The following SPATA7 variants were observed in gnomAD, a reference collection of about 807,000 sequenced individuals.
SPATA7 encodes the protein spermatogenesis associated 7.
SPATA7 carries 43 observed loss-of-function variants against 51.8 expected under a neutral mutation model. That is an observed-to-expected ratio of 0.83 (90% CI 0.65 to 1.07). The LOEUF (loss-of-function observed/expected upper bound fraction) is 1.07. Ranked by LOEUF, SPATA7 falls within the 50% of genes least tolerant of loss-of-function variation. SPATA7 has a pLI of 0.00. For synonymous variants in SPATA7, 230 were observed against 252.8 expected, an observed-to-expected ratio of 0.91 and a Z score of 0.86; for missense variants, 683 against 701.3, an observed-to-expected ratio of 0.97 and a Z score of 0.30.
chr14:88,465,283 A>G lies in SPATA7; in HGVS notation c.255-4564A>G, dbSNP rs141495923. Among the ~76,000 whole-genome samples the G allele has an allele frequency of 7.8e-3, 1,195 of 152,260 alleles. 14 individuals carry two copies. The highest frequency in any genetic ancestry group is 0.028 in the African/African-American group (1,145 of 41,534). On this transcript the variant is annotated intron_variant, in intron 4 of 4. Transcript: ENST00000556406. Reference sequence around the variant, plus strand: ...GGAGTTGGAGACCAGCCTGGCCAACATGGTGAAACCCCGTCTCCACTAAAA... The same window carrying G: ...GGAGTTGGAGACCAGCCTGGCCAACGTGGTGAAACCCCGTCTCCACTAAAA...
chr14:88,406,083 T>G (rs1406047101), intron 4 of SPATA7, among the ~76,000 whole-genome samples: 1 of 152,188 alleles, frequency 6.6e-6, no homozygotes, highest in Non-Finnish European at 1.5e-5. Context: ...TATAATGAAT[T>G]TGGCTTAGAA....
In SPATA7 at chr14:88,433,873, T is replaced by A. The variant is rs545218893; in HGVS notation, c.1160+661T>A. 2.0e-5 allele frequency among the ~76,000 whole-genome samples: 3 copies of A among 152,292 alleles called. No homozygotes were observed. The South Asian group carries it at 6.2e-4, about 32-fold the overall frequency. ...TTTCTATCCTCTACATCAAGTTTTT[T>A]AAAAAATTAAAGCAAACATTTTCAT... On this transcript the variant is annotated intron_variant, in intron 10 of 11. Transcript: ENST00000393545.
At chr14:88,428,331 TATTAA>T (rs1289757862) in intron 7 of SPATA7, 1 of 152,170 alleles carries the variant, frequency 6.6e-6, no homozygotes, top group Non-Finnish European at 1.5e-5. Context: ...ATGGTTTGTC[TATTAA>T]AATGTCAAAC....
At chr14:88,419,042 G>T (rs1489196189) in intron 5 of SPATA7, among the ~76,000 whole-genome samples, 1 of 152,000 alleles carries the variant, frequency 6.6e-6, no homozygotes, top group Admixed American at 6.6e-5. Flanking sequence ...TGTAGTATTT[G>T]ATATATAGTA....
At chr14:88,427,888 TC>T in intron 7 of SPATA7, 192 bp downstream of exon 7, 1 of 499,354 alleles carries the variant, frequency 2.0e-6, no homozygotes, top group Non-Finnish European at 3.7e-6. Context: ...GCCAGGTGGA[TC>T]CTGCCAAATC....
chr14:88,438,458 C>A lies in SPATA7; in HGVS notation c.*36C>A. 1 of 1,437,746 alleles carries A rather than the reference C, an allele frequency of 7.0e-7. No individual in the cohort carries two copies. The highest frequency in any genetic ancestry group is 9.8e-7 in the Non-Finnish European group (1 of 1,024,882). The allele number at this position is 1,437,746 out of a possible 1,614,324, so 89.1% of individuals were successfully genotyped here. A position where few individuals can be genotyped will look rare whatever the true frequency, so the allele number is the denominator to read the frequency against. ...TAAATACCTCAAATGGCCAGTAACTCAATATTACTTTTCTTCCTTTTTTAA... is the reference window on the plus strand; with the variant it reads ...TAAATACCTCAAATGGCCAGTAACTAAATATTACTTTTCTTCCTTTTTTAA... On this transcript the variant is annotated 3_prime_UTR_variant, in exon 12 of 12. Transcript: ENST00000393545.
At chr14:88,396,875 C>CTTTTTT (rs59603961) in intron 4 of SPATA7, among the ~76,000 whole-genome samples, 4 of 138,536 alleles carry the variant, frequency 2.9e-5, no homozygotes, top group Non-Finnish European at 3.1e-5. Context: ...TTTCTTTTTT[C>CTTTTTT]TTTTTTTTTT....
At chr14:88,423,207 T>G (rs2076692430) in intron 5 of SPATA7, among the ~76,000 whole-genome samples, 1 of 151,978 alleles carries the variant, frequency 6.6e-6, no homozygotes. Flanking sequence ...CTTTTAAGAT[T>G]AAGTGAATAT....
chr14:88,418,821 A>G (rs2076555866), intron 5 of SPATA7, among the ~76,000 whole-genome samples: 1 of 152,136 alleles, frequency 6.6e-6, no homozygotes, highest in Non-Finnish European at 1.5e-5. Flanking sequence ...ATCATTTAGA[A>G]CTATTTCTTA....
rs1293890027 is a variant in SPATA7 at position 88,391,450 on chromosome 14, G to A, written c.89G>A (p.Ser30Asn). The part of the protein sequence containing the change: ...CLFKGHLSTK[S>N]NAFCTDSSSL... ...TTTAAAGGACACTTGAGCACCAAAA[G>A]TAATGGTAAGTGAGGTGCTTAAAAC... is the stretch of plus-strand genomic sequence containing the variant. Residue 30 changes from serine (S) to asparagine (N), a missense_variant, in exon 2 of 12, where the codon AGT (serine) becomes AAT (asparagine). Ser to Asn is a conservative substitution (Grantham distance 46). Transcript: ENST00000393545. 2.5e-6 allele frequency: 4 copies of A among 1,613,334 alleles called. No individual in the cohort carries two copies. In the South Asian group the frequency reaches 4.4e-5, roughly 18 times the overall value.
intron 4 of SPATA7, chr14:88,468,166 G>C (rs1229848772): frequency 6.2e-7 from 1 of 1,613,864 alleles, no homozygotes; most frequent in African/African-American, 1.3e-5. Flanking sequence ...TTCAGGAACT[G>C]GATGAGGACT....
At chr14:88,468,204 G>A (rs2077395096) in intron 4 of SPATA7, 1 of 1,611,680 alleles carries the variant, frequency 6.2e-7, no homozygotes, top group African/African-American at 1.3e-5. Context: ...CTGGCAGAGA[G>A]TCTGCACCAG....
chr14:88,460,904 TG>T (rs2077313289), intron 4 of SPATA7, among the ~76,000 whole-genome samples: 1 of 152,266 alleles, frequency 6.6e-6, no homozygotes, highest in South Asian at 2.1e-4. Context: ...ATGTCCTTTC[TG>T]TTTGTTAGTT....
intron 1 of SPATA7, among the ~76,000 whole-genome samples, chr14:88,391,028 C>G (rs1319502143): frequency 6.6e-6 from 1 of 152,116 alleles, no homozygotes; most frequent in Non-Finnish European, 1.5e-5. Context: ...TTTTAGTTCT[C>G]CTAGCTCGAT....
chr14:88,389,726 A>T (rs1346564681), intron 1 of SPATA7, among the ~76,000 whole-genome samples: 1 of 152,146 alleles, frequency 6.6e-6, no homozygotes. Context: ...TCACTTACAG[A>T]TGGGTGGGGA....
At chr14:88,458,248 AGTTAGG>A (rs2077297178), downstream of SPATA7, among the ~76,000 whole-genome samples, 2 of 152,140 alleles carry the variant, frequency 1.3e-5, no homozygotes, top group Non-Finnish European at 2.9e-5. Context: ...TCATAAAATG[AGTTAGG>A]GAGGATTCCC....
intron 3 of SPATA7, among the ~76,000 whole-genome samples, chr14:88,452,286 T>C (rs1325213538): frequency 2.0e-5 from 3 of 152,182 alleles, no homozygotes; most frequent in Admixed American, 6.5e-5. Context: ...CTTCAGGTCT[T>C]TCAGCCATGG....
At chr14:88,442,940 ATTT>A (rs201523703), downstream of SPATA7, among the ~76,000 whole-genome samples, 12 of 124,250 alleles carry the variant, frequency 9.7e-5, no homozygotes, top group Admixed American at 1.7e-4. Flanking sequence ...TTTGTTAGTA[ATTT>A]TTTTTTTTTT....
chr14:88,387,797 A>G (rs947502525), intron 1 of SPATA7, among the ~76,000 whole-genome samples: 16 of 152,222 alleles, frequency 1.1e-4, no homozygotes, highest in Non-Finnish European at 2.2e-4. Context: ...CTAGGTATAT[A>G]TAAGGCATGG....
Sources: allele counts gnomAD v4.1 joint callset (sites outside exome capture counted in the v4.1 genomes callset), GRCh38; gene constraint gnomAD v4.1.1; transcripts MANE v1.5; gene names NCBI Gene and HGNC (gene_info 2026-07-23, HGNC 2026-07-21).